The following GPC3 variants were observed in gnomAD, a reference collection of about 807,000 sequenced individuals.
GPC3 encodes the protein glypican 3, also known as glypican-3.
Under a neutral mutation model 34.4 loss-of-function variants are expected in GPC3, and 3 were observed. The observed-to-expected ratio is 0.09, with a 90% CI of 0.04 to 0.23. The LOEUF is 0.23. Among genes scored for constraint, GPC3 ranks in the 10% least tolerant of loss-of-function variants. The pLI is 1.00. For missense variants in GPC3, 351 were observed against 445.6 expected (o/e 0.79, Z 1.91); for synonymous variants, 177 against 174.0 (o/e 1.02, Z -0.13).
intron 7 of GPC3, among the ~76,000 whole-genome samples, chrX:133,569,252 G>T (rs763063830): frequency 1.3e-3 from 147 of 112,273 alleles, no homozygotes; most frequent in Admixed American, 2.9e-3. Flanking sequence ...ATGAAAAAAT[G>T]AATGAACAAG....
At chrX:133,580,697 C>A (rs1205252693) in intron 7 of GPC3, among the ~76,000 whole-genome samples, 1 of 112,208 alleles carries the variant, frequency 8.9e-6, no homozygotes, top group Non-Finnish European at 1.9e-5. Context: ...CAGACAGGTT[C>A]TGACATCTGC....
At chrX:133,602,392 C>A (rs1345827370) in intron 6 of GPC3, among the ~76,000 whole-genome samples, 4 of 111,376 alleles carry the variant, frequency 3.6e-5, no homozygotes, top group Non-Finnish European at 5.7e-5. Context: ...CTGGGATCCT[C>A]CTTCTATCAG....
chrX:133,634,836 T>G (rs2070402760), intron 6 of GPC3, among the ~76,000 whole-genome samples: 2 of 111,983 alleles, frequency 1.8e-5, no homozygotes, highest in African/African-American at 6.5e-5. Context: ...GAGATGTAAA[T>G]TATACCTCAA....
At chrX:133,659,677 T>C (rs2070699328) in intron 6 of GPC3, among the ~76,000 whole-genome samples, 1 of 111,963 alleles carries the variant, frequency 8.9e-6, no homozygotes, top group African/African-American at 3.2e-5. Context: ...CCAAAGTCCC[T>C]GGCACCTGGC....
intron 7 of GPC3, among the ~76,000 whole-genome samples, chrX:133,557,423 C>T (rs951097229): frequency 9.0e-6 from 1 of 111,688 alleles, no homozygotes; most frequent in African/African-American, 3.2e-5. Flanking sequence ...CACAGTGACT[C>T]ACCACAGAAT....
chrX:133,747,501 G>A (rs1161390128), intron 3 of GPC3, among the ~76,000 whole-genome samples: 1 of 112,244 alleles, frequency 8.9e-6, no homozygotes, highest in Non-Finnish European at 1.9e-5. Context: ...ACAGTAGGGA[G>A]TAATACAGGA....
At chrX:133,901,348 A>T (rs1235298380) in intron 2 of GPC3, among the ~76,000 whole-genome samples, 1 of 111,788 alleles carries the variant, frequency 8.9e-6, no homozygotes, top group African/African-American at 3.3e-5. Flanking sequence ...CATGGAAGTG[A>T]AAACTTTGCT....
chrX:133,982,441 A>T (rs1000051467), intron 1 of GPC3, among the ~76,000 whole-genome samples: 1 of 111,883 alleles, frequency 8.9e-6, no homozygotes, highest in African/African-American at 3.2e-5. Context: ...CTGTGACTTG[A>T]ACACTCCAAA....
intron 7 of GPC3, among the ~76,000 whole-genome samples, chrX:133,566,401 A>G (rs959950358): frequency 1.8e-5 from 2 of 111,802 alleles, no homozygotes; most frequent in Non-Finnish European, 3.8e-5. Flanking sequence ...GTAAGGCTTG[A>G]CCTATATTGC....
chrX:133,658,187 T>C (rs1329577760), intron 6 of GPC3, among the ~76,000 whole-genome samples: 1 of 111,971 alleles, frequency 8.9e-6, no homozygotes, highest in African/African-American at 3.3e-5. Context: ...ATTGATTGAG[T>C]TTTAAACTGA....
chrX:133,771,428 G>C (rs1169594184), intron 2 of GPC3, among the ~76,000 whole-genome samples: 1 of 112,331 alleles, frequency 8.9e-6, no homozygotes, highest in Non-Finnish European at 1.9e-5. Context: ...GGGCCCCTCT[G>C]TGTGGGCCTG....
chrX:133,548,412 A>G (rs920512895), intron 7 of GPC3, among the ~76,000 whole-genome samples: 2 of 111,447 alleles, frequency 1.8e-5, no homozygotes, highest in African/African-American at 6.6e-5. Flanking sequence ...ATCTTACAAA[A>G]TAAATAAATA....
chrX:133,818,900 T>TAAC (rs2075705307), intron 2 of GPC3, among the ~76,000 whole-genome samples: 1 of 110,676 alleles, frequency 9.0e-6, no homozygotes, highest in Non-Finnish European at 1.9e-5. Context: ...ATGTTATGTT[T>TAAC]ATCATAACAT....
At chrX:133,826,139 A>G (rs2075745355) in intron 2 of GPC3, among the ~76,000 whole-genome samples, 1 of 112,122 alleles carries the variant, frequency 8.9e-6, no homozygotes, top group Non-Finnish European at 1.9e-5. Context: ...CACGCAAAGA[A>G]ACAAGAAATT....
chrX:133,799,290 G>A (rs1036378678), intron 2 of GPC3, among the ~76,000 whole-genome samples: 1 of 111,713 alleles, frequency 9.0e-6, no homozygotes, highest in Non-Finnish European at 1.9e-5. Flanking sequence ...TACTTGGGAG[G>A]CTGAGATGGG....
At chrX:133,904,224 T>C (rs936933981) in intron 2 of GPC3, among the ~76,000 whole-genome samples, 2 of 112,006 alleles carry the variant, frequency 1.8e-5, no homozygotes, top group Admixed American at 1.9e-4. Flanking sequence ...TTTTTTTTCT[T>C]TGAAATCTGG....
intron 2 of GPC3, among the ~76,000 whole-genome samples, chrX:133,760,244 A>G (rs1218541804): frequency 8.9e-6 from 1 of 112,074 alleles, no homozygotes; most frequent in African/African-American, 3.2e-5. Context: ...TTCTTACAAA[A>G]GTAAACATAC....
intron 6 of GPC3, among the ~76,000 whole-genome samples, chrX:133,619,059 T>C (rs1354167801): frequency 8.9e-6 from 1 of 111,770 alleles, no homozygotes; most frequent in Non-Finnish European, 1.9e-5. Context: ...CCAAAGAAGA[T>C]ATAGAAATTG....
chrX:133,917,930 C>A (rs1045922118), intron 2 of GPC3, among the ~76,000 whole-genome samples: 3 of 111,387 alleles, frequency 2.7e-5, no homozygotes, highest in Admixed American at 9.6e-5. Flanking sequence ...CTAAAAAAGC[C>A]CACCCTCTGG....
Sources: allele counts gnomAD v4.1 joint callset (sites outside exome capture counted in the v4.1 genomes callset), GRCh38; gene constraint gnomAD v4.1.1; transcripts MANE v1.5; gene names NCBI Gene and HGNC (gene_info 2026-07-23, HGNC 2026-07-21).